The following AXDND1 variants were observed in gnomAD, a reference collection of about 807,000 sequenced individuals.
The protein encoded by AXDND1 is axonemal dynein light chain domain containing 1.
AXDND1 carries 110 observed loss-of-function variants against 137.5 expected under a neutral mutation model. That is an observed-to-expected ratio of 0.80 (90% confidence interval 0.69 to 0.94). The LOEUF (loss-of-function observed/expected upper bound fraction) is 0.94. Ranked by LOEUF, AXDND1 falls within the 40% of genes least tolerant of loss-of-function variation. The probability of loss-of-function intolerance (pLI) is 0.00; values close to 1 mark genes in which losing one functional copy is unlikely to be tolerated. For missense variants in AXDND1, 1,191 were observed against 1,169.8 expected (o/e 1.02, Z -0.26); for synonymous variants, 414 against 399.7 (o/e 1.04, Z -0.43).
intron 16 of AXDND1, among the ~76,000 whole-genome samples, chr1:179,462,538 T>G (rs1391539992): frequency 6.6e-6 from 1 of 152,200 alleles, no homozygotes; most frequent in Non-Finnish European, 1.5e-5. Context: ...CAGGCTTTGG[T>G]ATCAGGATGA....
chr1:179,525,421 G>A lies in AXDND1; in HGVS notation c.2584G>A (p.Glu862Lys), dbSNP rs1355006662. ...EESKEDRKLQ[E>K]ENKERAEEQP... ...AAGTAAGGAGGATAGGAAACTTCAG[G>A]AGGAAAATAAAGAGAGAGCAGAAGA... The change falls in exon 22 of 26, where the codon GAG (glutamate) becomes AAG (lysine). Residue 862 changes from glutamate (E) to lysine (K), a missense_variant. By Grantham distance (56) the Glu-to-Lys change is moderately conservative. Transcript: ENST00000367618. 2 of 1,611,038 alleles carry A rather than the reference G, an allele frequency of 1.2e-6. No homozygotes were observed. The highest frequency in any genetic ancestry group is 1.7e-6 in the Non-Finnish European group (2 of 1,178,334).
At position 179,468,501 on chromosome 1, in the gene AXDND1, G is replaced by A. The variant is rs923413541; in HGVS notation, c.1857G>A (p.Leu619=). The part of the protein sequence containing the change: ...ISSLDFCSFK[L]ENLEFPDTPL... ...CTCTTGACTTCTGTTCTTTCAAGTT[G>A]GAAAACCTGGAGTTTCCTGATACGC... The change falls in exon 17 of 26, where the codon TTG becomes TTA. Residue 619 remains leucine, a synonymous_variant. Transcript: ENST00000367618. 4 of 1,612,850 alleles carry A rather than the reference G, an allele frequency of 2.5e-6. No individual in the cohort carries two copies. Among genetic ancestry groups the A allele is most frequent in the Non-Finnish European group, 1.7e-6 (2 of 1,179,728 alleles).
In AXDND1 at chr1:179,408,864, T is replaced by C. The variant is rs190561507; in HGVS notation, c.1110-2282T>C. On this transcript the variant is annotated intron_variant, in intron 11 of 25. Coordinates refer to ENST00000367618, the MANE Select transcript of AXDND1 (RefSeq NM_144696.6). ...TGGTGCCTGGGTAAAATTTTTTTTT[T>C]CCCCTAAATGTGGTCTTACTATGTT... Among the ~76,000 whole-genome samples, 49 of 152,028 alleles carry C rather than the reference T, an allele frequency of 3.2e-4. 3 individuals are homozygous for C. The East Asian group carries it at 7.9e-3, about 25-fold the overall frequency.
At chr1:179,436,899 T>A (rs1486750106) in intron 15 of AXDND1, among the ~76,000 whole-genome samples, 2 of 151,812 alleles carry the variant, frequency 1.3e-5, no homozygotes, top group Non-Finnish European at 2.9e-5. Flanking sequence ...TCGGTAGATA[T>A]CAGCTTTACA....
chr1:179,537,641 G>C (rs1418672274), intron 25 of AXDND1, among the ~76,000 whole-genome samples: 1 of 152,134 alleles, frequency 6.6e-6, no homozygotes, highest in Non-Finnish European at 1.5e-5. Context: ...CAGGGATATT[G>C]GTCAAAAATT....
intron 17 of AXDND1, among the ~76,000 whole-genome samples, chr1:179,471,640 T>G (rs985711827): frequency 6.6e-6 from 1 of 152,208 alleles, no homozygotes; most frequent in African/African-American, 2.4e-5. Flanking sequence ...ATTGTTGATC[T>G]TTTCAAATAA....
At chr1:179,428,687 ATTC>A (rs1291117680) in intron 12 of AXDND1, among the ~76,000 whole-genome samples, 1 of 152,248 alleles carries the variant, frequency 6.6e-6, no homozygotes. Context: ...GACGTGATAT[ATTC>A]TAACAGATTG....
chr1:179,496,255 C>T (rs1667436400), intron 20 of AXDND1, among the ~76,000 whole-genome samples: 1 of 151,914 alleles, frequency 6.6e-6, no homozygotes, highest in Non-Finnish European at 1.5e-5. Flanking sequence ...TCTTACTCTT[C>T]TGTTTTAGAA....
intron 25 of AXDND1, among the ~76,000 whole-genome samples, chr1:179,535,519 C>T (rs1217984354): frequency 6.6e-6 from 1 of 152,112 alleles, no homozygotes; most frequent in Non-Finnish European, 1.5e-5. Flanking sequence ...TGATGGTTTC[C>T]AGCTTCATCC....
chr1:179,443,428 CATTTTT>C (rs1011460359), intron 15 of AXDND1, among the ~76,000 whole-genome samples: 50 of 152,242 alleles, frequency 3.3e-4, no homozygotes, highest in African/African-American at 1.1e-3. Flanking sequence ...CCATTTTAAT[CATTTTT>C]AAGCATACAG....
At chr1:179,462,077 A>G (rs1662407499) in intron 16 of AXDND1, among the ~76,000 whole-genome samples, 1 of 152,144 alleles carries the variant, frequency 6.6e-6, no homozygotes, top group African/African-American at 2.4e-5. Flanking sequence ...AATTTCCAAC[A>G]TTATGTTGAA....
At chr1:179,525,311 C>G (rs1243653989) in intron 21 of AXDND1, 23 bp from the exon 22 acceptor site, 1 of 1,590,592 alleles carries the variant, frequency 6.3e-7, no homozygotes, top group Admixed American at 1.8e-5. Flanking sequence ...ACCCTTTAAT[C>G]ATAATATTGG....
intron 9 of AXDND1, among the ~76,000 whole-genome samples, chr1:179,385,689 G>C (rs1649085571): frequency 6.6e-6 from 1 of 152,196 alleles, no homozygotes; most frequent in Non-Finnish European, 1.5e-5. Flanking sequence ...GAGACACCAA[G>C]TCAGTCATGA....
chr1:179,413,472 C>G (rs1015368172), intron 12 of AXDND1, among the ~76,000 whole-genome samples: 2 of 152,158 alleles, frequency 1.3e-5, no homozygotes, highest in African/African-American at 4.8e-5. Flanking sequence ...TTGTTTAGTT[C>G]CCACTTACAA....
intron 17 of AXDND1, among the ~76,000 whole-genome samples, chr1:179,480,015 A>G (rs1285570225): frequency 6.6e-6 from 1 of 152,200 alleles, no homozygotes; most frequent in Non-Finnish European, 1.5e-5. Context: ...AAAGCCATTC[A>G]ACAAGTGTCT....
chr1:179,475,223 G>A (rs753780589), intron 17 of AXDND1, among the ~76,000 whole-genome samples: 6 of 152,252 alleles, frequency 3.9e-5, no homozygotes, highest in Admixed American at 2.0e-4. Context: ...CCCACACAGA[G>A]TCCCTACTGG....
intron 23 of AXDND1, among the ~76,000 whole-genome samples, chr1:179,528,662 G>C (rs984617134): frequency 4.8e-5 from 1 of 20,954 alleles, no homozygotes; most frequent in African/African-American, 1.7e-4. Context: ...TTTTTTTTTT[G>C]ACAGAGTTTT....
intron 16 of AXDND1, among the ~76,000 whole-genome samples, chr1:179,462,683 T>C (rs1036345077): frequency 1.3e-5 from 2 of 152,308 alleles, no homozygotes; most frequent in African/African-American, 4.8e-5. Flanking sequence ...TCCTGGTTGG[T>C]AAGCTATTAA....
rs1482412351 is a variant in AXDND1, at chr1:179,459,832, CT to C, written c.1799-8607del. Among the ~76,000 whole-genome samples the C allele has an allele frequency of 1.5e-3, 162 of 108,600 alleles. 12 individuals carry two copies. Among genetic ancestry groups the C allele is most frequent in the African/African-American group, 5.8e-3 (153 of 26,244 alleles). 71.2% of individuals were successfully genotyped at this position (108,600 alleles called of 152,430 possible). On this transcript the variant is annotated intron_variant, in intron 16 of 25. Transcript: ENST00000367618. ...CCTTCCTTCCTTCTCTTTTTCTTTT[CT>C]TTTCTTTCCCTTCCTTCCTTCCTTT...
Sources: allele counts gnomAD v4.1 joint callset (sites outside exome capture counted in the v4.1 genomes callset), GRCh38; gene constraint gnomAD v4.1.1; transcripts MANE v1.5; gene names NCBI Gene and HGNC (gene_info 2026-07-23, HGNC 2026-07-21).